The following NPL variants were observed in gnomAD, a reference collection of about 807,000 sequenced individuals.
The protein encoded by NPL is N-acetylneuraminate pyruvate lyase.
NPL carries 32 observed loss-of-function variants against 41.1 expected under a neutral mutation model. That is an observed-to-expected ratio of 0.78 (90% CI 0.59 to 1.05). NPL has a LOEUF of 1.05. Among genes scored for constraint, NPL ranks in the 50% least tolerant of loss-of-function variants. The pLI is 0.00. For missense variants in NPL, 321 were observed against 378.4 expected, an observed-to-expected ratio of 0.85 and a Z score of 1.26; for synonymous variants, 128 against 134.9, an observed-to-expected ratio of 0.95 and a Z score of 0.35.
chr1:182,829,586 C>T lies in NPL; in HGVS notation c.*678C>T. The T allele has an allele frequency of 1.9e-6, 3 of 1,545,420 alleles. No homozygotes were observed. The highest frequency in any genetic ancestry group is 2.6e-6 in the Non-Finnish European group (3 of 1,142,514). On this transcript the variant is annotated 3_prime_UTR_variant, in exon 13 of 13. Coordinates refer to ENST00000367553, the MANE Select transcript of NPL (RefSeq NM_030769.3). ...TTCCCCAAAGATGAATTTAAGTCTC[C>T]ACTTTTTTCTATACAGAAAACTCAA...
chr1:182,809,057 A>G, intron 5 of NPL: 1 of 229,438 alleles, frequency 4.4e-6, no homozygotes, highest in East Asian at 1.4e-4. Flanking sequence ...ATGTTCCTCC[A>G]CTGATGACAG....
Position 182,828,844 on chromosome 1 carries a change from T to C in NPL, c.899T>C (p.Leu300Pro), listed in dbSNP as rs1245551061. The C allele has an allele frequency of 6.2e-7, 1 of 1,614,196 alleles. No homozygotes were observed. Reference protein sequence around the residue: ...REFTDSAEAKLKSLDFLSFTD... With the variant: ...REFTDSAEAKPKSLDFLSFTD... ...TTTACTGATAGTGCTGAAGCTAAAC[T>C]GAAGAGCCTGGATTTCCTTTCTTTC... The change falls in exon 13 of 13, where the codon CTG becomes CCG. Residue 300 changes from leucine to proline, a missense_variant. Transcript: ENST00000367553. The surrounding 1 kb of genome is among the most constrained non-coding windows in gnomAD (Gnocchi z 4.0).
rs552993514 is a variant in NPL at position 182,797,996 on chromosome 1, C to G, written c.68+3557C>G. Among the ~76,000 whole-genome samples the G allele has an allele frequency of 3.3e-5, 5 of 152,284 alleles. No individual in the cohort carries two copies. The East Asian group carries it at 9.6e-4, about 29-fold the overall frequency. On this transcript the variant is annotated intron_variant, in intron 3 of 12. Transcript: ENST00000367553. ...GATAGTCGAGAAAAAGGGAAGGAAG[C>G]AAACACTGATTGATGCTATGTCAGT...
In NPL at chr1:182,822,171, A is replaced by C. The variant is rs1371498260; in HGVS notation, c.710A>C (p.Lys237Thr). The change falls in exon 11 of 13, where the codon AAG (lysine) becomes ACG (threonine). Residue 237 changes from lysine to threonine, a missense_variant. Transcript: ENST00000367553. ...CAGATGTTGGAGGCTTTTGAACAAA[A>C]GGACTTCTCTTTAGCCCTGAACTAT... ...TNQMLEAFEQ[K>T]DFSLALNYQF... is the part of the protein sequence containing the mutation. 6.2e-7 allele frequency: 1 copy of C among 1,613,328 alleles called. No homozygotes were observed. The highest frequency in any genetic ancestry group is 8.5e-7 in the Non-Finnish European group (1 of 1,179,352).
intron 5 of NPL, among the ~76,000 whole-genome samples, chr1:182,808,230 C>T (rs1212536999): frequency 6.6e-6 from 1 of 152,198 alleles, no homozygotes; most frequent in Non-Finnish European, 1.5e-5. Flanking sequence ...AACACATTCA[C>T]GCTAATGTAA....
intron 11 of NPL, among the ~76,000 whole-genome samples, chr1:182,825,506 G>A (rs1345927301): frequency 2.0e-5 from 3 of 152,182 alleles, no homozygotes; most frequent in Admixed American, 2.0e-4. Context: ...TGGATAAGGG[G>A]TGTGATTCCC....
Position 182,816,787 on chromosome 1 carries a change from T to C in NPL, c.438T>C (p.Pro146=), listed in dbSNP as rs1051339911. The C allele has an allele frequency of 4.3e-6, 7 of 1,613,356 alleles. No individual in the cohort carries two copies. The highest frequency in any genetic ancestry group is 5.9e-6 in the Non-Finnish European group (7 of 1,179,464). ...TGCCATTTTATTACTATCACATTCC[T>C]GCCTTGACAGGGGTAAAGAGTAAGT... ...PALPFYYYHI[P]ALTGVKIRAE... The change falls in exon 8 of 13, where the codon CCT becomes CCC. Residue 146 remains proline, a synonymous_variant. Coordinates refer to ENST00000367553, the MANE Select transcript of NPL (RefSeq NM_030769.3).
chr1:182,795,526 A>G (rs1666636476), intron 3 of NPL, among the ~76,000 whole-genome samples: 1 of 152,138 alleles, frequency 6.6e-6, no homozygotes. Flanking sequence ...GAAATTTCTC[A>G]TGTCTTTTAG....
At chr1:182,824,306 G>C (rs1667570520) in intron 11 of NPL, among the ~76,000 whole-genome samples, 1 of 152,190 alleles carries the variant, frequency 6.6e-6, no homozygotes, top group Non-Finnish European at 1.5e-5. Flanking sequence ...GAAAAAAGCA[G>C]CAAAATATAA....
chr1:182,814,910 G>C (rs1184830106), intron 7 of NPL, 52 bp downstream of exon 7: 1 of 1,402,916 alleles, frequency 7.1e-7, no homozygotes, highest in East Asian at 2.3e-5. Flanking sequence ...ACTTCTTCTT[G>C]CCTCCATTCA....
chr1:182,818,901 A>T (rs774251350), intron 10 of NPL, 42 bp downstream of exon 10: 1 of 1,554,038 alleles, frequency 6.4e-7, no homozygotes, highest in South Asian at 1.1e-5. Context: ...AAAGTCCCCC[A>T]TAAAGGCATT....
At chr1:182,804,202 C>T (rs1666937587) in intron 4 of NPL, among the ~76,000 whole-genome samples, 1 of 152,210 alleles carries the variant, frequency 6.6e-6, no homozygotes, top group African/African-American at 2.4e-5. Context: ...ACCATCAGCT[C>T]ACTGCAACCT....
At chr1:182,804,486 A>T (rs1403645522) in intron 4 of NPL, among the ~76,000 whole-genome samples, 2 of 152,220 alleles carry the variant, frequency 1.3e-5, no homozygotes, top group Non-Finnish European at 2.9e-5. Flanking sequence ...CAAATTGTGA[A>T]TGGAAGAAAG....
At chr1:182,825,924 C>A in intron 12 of NPL, 104 bp downstream of exon 12, 1 of 880,204 alleles carries the variant, frequency 1.1e-6, no homozygotes, top group South Asian at 1.3e-5. Flanking sequence ...TTTTAATGGT[C>A]TGTTGCAAGC....
In NPL at chr1:182,829,544, T is replaced by C. The variant is rs1667714452; in HGVS notation, c.*636T>C. The C allele has an allele frequency of 3.3e-6, 5 of 1,524,680 alleles. No homozygotes were observed. Among genetic ancestry groups the C allele is most frequent in the Middle Eastern group, 1.7e-4 (1 of 5,896 alleles). 94.4% of individuals were successfully genotyped at this position (1,524,680 alleles called of 1,614,324 possible). A position where few individuals can be genotyped will look rare whatever the true frequency, so the allele number is the denominator to read the frequency against. ...AACTAAGTAAAGGGCGGCTTTCTCATAACAAAGGAAAAAGTCTTCCCCAAA... is the reference window on the plus strand; with the variant it reads ...AACTAAGTAAAGGGCGGCTTTCTCACAACAAAGGAAAAAGTCTTCCCCAAA... On this transcript the variant is annotated 3_prime_UTR_variant, in exon 13 of 13. Coordinates refer to ENST00000367553, the MANE Select transcript of NPL (RefSeq NM_030769.3).
intron 11 of NPL, among the ~76,000 whole-genome samples, chr1:182,822,763 G>A (rs765540005): frequency 1.3e-5 from 2 of 152,194 alleles, no homozygotes; most frequent in African/African-American, 2.4e-5. Flanking sequence ...TATGTTGCAC[G>A]GAAGACCCCA....
Position 182,828,792 on chromosome 1 carries a change from C to T in NPL, c.847C>T (p.Leu283Phe). 6.2e-7 allele frequency: 1 copy of T among 1,614,198 alleles called. No individual in the cohort carries two copies. Among genetic ancestry groups the T allele is most frequent in the Non-Finnish European group, 8.5e-7 (1 of 1,180,036 alleles). Residue 283 changes from leucine to phenylalanine, a missense_variant, in exon 13 of 13, where the codon CTT (leucine) becomes TTT (phenylalanine). Coordinates refer to ENST00000367553, the MANE Select transcript of NPL (RefSeq NM_030769.3). This position sits in a 1 kb window ranked among gnomAD's most constrained non-coding sequence, Gnocchi z 4.0. ...TGGGATTCCAATGGGCCCACCCCGG[C>T]TTCCACTGCAGAAAGCCTCCAGGGA... ...VSGIPMGPPR[L>F]PLQKASREFT...
chr1:182,796,903 C>T (rs780851640), intron 3 of NPL, among the ~76,000 whole-genome samples: 5 of 151,950 alleles, frequency 3.3e-5, no homozygotes, highest in South Asian at 2.1e-4. Flanking sequence ...GGCGTGGTGG[C>T]GCACACCTGT....
intron 11 of NPL, among the ~76,000 whole-genome samples, chr1:182,824,803 A>G (rs1023708805): frequency 6.6e-5 from 10 of 152,146 alleles, no homozygotes; most frequent in Non-Finnish European, 1.2e-4. Flanking sequence ...TCTCAAAAAC[A>G]TAATAATAAA....
Sources: allele counts gnomAD v4.1 joint callset (sites outside exome capture counted in the v4.1 genomes callset), GRCh38; gene constraint gnomAD v4.1.1; non-coding constraint Gnocchi (gnomAD v3.1); transcripts MANE v1.5; gene names NCBI Gene and HGNC (gene_info 2026-07-23, HGNC 2026-07-21).